Variants in TMEM163 observed in about 807,000 individuals in gnomAD.
TMEM163 encodes transmembrane protein 163.
Under a neutral mutation model 29.3 loss-of-function variants are expected in TMEM163, and 17 were observed. The ratio of observed to expected loss-of-function variants is 0.58; its 90% CI spans 0.40 to 0.87. TMEM163 has a LOEUF of 0.87. Among genes scored for constraint, TMEM163 ranks in the 40% least tolerant of loss-of-function variants. The pLI is 0.00. For synonymous variants in TMEM163, 157 were observed against 160.6 expected (o/e 0.98, Z 0.17); for missense variants, 303 against 381.5 (o/e 0.79, Z 1.71).
intron 2 of TMEM163, among the ~76,000 whole-genome samples, chr2:134,560,595 C>A (rs1161394221): frequency 6.6e-6 from 1 of 152,152 alleles, no homozygotes. Context: ...GCTTTAGGGA[C>A]AGCTTGAAGC....
At chr2:134,615,547 T>C (rs771558049) in intron 2 of TMEM163, among the ~76,000 whole-genome samples, 4 of 151,580 alleles carry the variant, frequency 2.6e-5, no homozygotes, top group South Asian at 2.1e-4. Context: ...ACCAACACCA[T>C]AGACATCTCA....
chr2:134,638,629 C>A (rs918107199), intron 2 of TMEM163, among the ~76,000 whole-genome samples: 4 of 152,106 alleles, frequency 2.6e-5, no homozygotes, highest in Non-Finnish European at 5.9e-5. Flanking sequence ...AGGACCAATA[C>A]AGGAGAAACC....
intron 4 of TMEM163, among the ~76,000 whole-genome samples, chr2:134,549,888 C>A (rs1352188933): frequency 2.0e-5 from 3 of 151,954 alleles, no homozygotes; most frequent in Admixed American, 1.3e-4. Context: ...GTACTCATTG[C>A]AATCATCCTA....
chr2:134,658,268 C>T (rs951612235), intron 2 of TMEM163, among the ~76,000 whole-genome samples: 9 of 152,032 alleles, frequency 5.9e-5, no homozygotes, highest in African/African-American at 1.7e-4. Context: ...TTCACTGTTC[C>T]GATTTAACAG....
At chr2:134,617,556 C>A (rs1172953903) in intron 2 of TMEM163, among the ~76,000 whole-genome samples, 1 of 150,124 alleles carries the variant, frequency 6.7e-6, no homozygotes, top group Non-Finnish European at 1.5e-5. Context: ...GAGCCAAGAT[C>A]GTGCCACTGC....
intron 4 of TMEM163, among the ~76,000 whole-genome samples, chr2:134,534,625 A>C (rs911088562): frequency 6.6e-6 from 1 of 151,682 alleles, no homozygotes; most frequent in Non-Finnish European, 1.5e-5. Context: ...GGGGTGGCGC[A>C]CTCCTGTAAT....
At position 134,667,244 on chromosome 2, in the gene TMEM163, G is replaced by A. The variant is rs114388701; in HGVS notation, c.322+45956C>T. 6.6e-3 allele frequency among the ~76,000 whole-genome samples: 1,000 copies of A among 152,328 alleles called. 9 individuals are homozygous for A. Among genetic ancestry groups the A allele is most frequent in the African/African-American group, 0.023 (942 of 41,566 alleles). ...TCTTCTGTAGTAACAGAACCACAGC[G>A]TTTAGCTGGGCACCTGGTATTGAGA... On this transcript the variant is annotated intron_variant, in intron 2 of 7. Coordinates refer to ENST00000281924, the MANE Select transcript of TMEM163 (RefSeq NM_030923.5).
rs972954795 is a variant in TMEM163, at chr2:134,588,631, G to T, written c.323-36540C>A. 2.0e-5 allele frequency among the ~76,000 whole-genome samples: 3 copies of T among 152,260 alleles called. No homozygotes were observed. In the Middle Eastern group the frequency reaches 0.01, roughly 518 times the overall value. ...GCATTCACACATTTATTAGATGCCTGCTCTATACAAAGAACAAATGCTAGA... is the reference window on the plus strand; with the variant it reads ...GCATTCACACATTTATTAGATGCCTTCTCTATACAAAGAACAAATGCTAGA... On this transcript the variant is annotated intron_variant, in intron 2 of 7. Transcript: ENST00000281924.
At chr2:134,680,687 G>A (rs1684211043) in intron 2 of TMEM163, among the ~76,000 whole-genome samples, 1 of 152,202 alleles carries the variant, frequency 6.6e-6, no homozygotes, top group East Asian at 1.9e-4. Flanking sequence ...GGTCAAAGGA[G>A]TAGGGACGGC....
At chr2:134,536,520 A>G (rs532569833) in intron 4 of TMEM163, among the ~76,000 whole-genome samples, 12 of 152,284 alleles carry the variant, frequency 7.9e-5, no homozygotes, top group African/African-American at 2.4e-4. Flanking sequence ...CTAGCGGCAC[A>G]GGGCATGAAT....
intron 2 of TMEM163, among the ~76,000 whole-genome samples, chr2:134,701,592 A>G (rs1173497709): frequency 6.6e-6 from 1 of 152,232 alleles, no homozygotes; most frequent in Non-Finnish European, 1.5e-5. Flanking sequence ...TCAGCCAAAG[A>G]TGGGGAAACC....
chr2:134,596,043 C>T (rs1682072777), intron 2 of TMEM163, among the ~76,000 whole-genome samples: 1 of 152,004 alleles, frequency 6.6e-6, no homozygotes, highest in Non-Finnish European at 1.5e-5. Flanking sequence ...TTGCAAAAAT[C>T]TTCTCCCATT....
intron 2 of TMEM163, among the ~76,000 whole-genome samples, chr2:134,596,794 A>G (rs888417685): frequency 1.3e-5 from 2 of 152,062 alleles, no homozygotes; most frequent in Admixed American, 1.3e-4. Context: ...TTCGTTGAGC[A>G]GTGGTTTGTA....
chr2:134,461,469 C>G (rs932986984), intron 6 of TMEM163, among the ~76,000 whole-genome samples: 10 of 152,236 alleles, frequency 6.6e-5, no homozygotes, highest in African/African-American at 2.4e-4. Flanking sequence ...CCAGAGCGCT[C>G]CCCCAGTGCT....
chr2:134,545,446 T>C (rs1027621612), intron 4 of TMEM163, among the ~76,000 whole-genome samples: 3 of 152,104 alleles, frequency 2.0e-5, no homozygotes, highest in African/African-American at 7.2e-5. Flanking sequence ...GATCCCACAT[T>C]CTCCAAGCCT....
At chr2:134,537,175 C>G (rs1680559608) in intron 4 of TMEM163, among the ~76,000 whole-genome samples, 1 of 152,184 alleles carries the variant, frequency 6.6e-6, no homozygotes, top group Admixed American at 6.5e-5. Context: ...TTGTATTCAC[C>G]TAATTCCTGC....
At chr2:134,688,668 T>G (rs1414165117) in intron 2 of TMEM163, among the ~76,000 whole-genome samples, 1 of 152,230 alleles carries the variant, frequency 6.6e-6, no homozygotes, top group Non-Finnish European at 1.5e-5. Context: ...ACATATTTCC[T>G]GCAACAGACA....
chr2:134,580,972 C>T (rs1231472555), intron 2 of TMEM163, among the ~76,000 whole-genome samples: 1 of 152,140 alleles, frequency 6.6e-6, no homozygotes, highest in Non-Finnish European at 1.5e-5. Flanking sequence ...GTTTGACTAA[C>T]CAATCTCTCC....
chr2:134,610,342 C>G (rs1345209045), intron 2 of TMEM163, among the ~76,000 whole-genome samples: 1 of 152,202 alleles, frequency 6.6e-6, no homozygotes, highest in Non-Finnish European at 1.5e-5. Context: ...TGCTGGCCAG[C>G]TCCAAGGCCA....
Sources: gnomAD v4.1 joint callset for allele counts (sites outside exome capture counted in the v4.1 genomes callset) on GRCh38, gnomAD v4.1.1 for gene constraint, MANE v1.5 for transcripts, NCBI Gene and HGNC (gene_info 2026-07-23, HGNC 2026-07-21) for gene names.